Variants in TCTN3 observed in about 807,000 individuals in gnomAD.
TCTN3 encodes tectonic-3.
A neutral mutation model predicts 71.3 loss-of-function variants in TCTN3; 57 were observed. The observed-to-expected ratio is 0.80, with a 90% CI of 0.65 to 1.00. The LOEUF (loss-of-function observed/expected upper bound fraction) is 1.00. TCTN3 is among the 50% of genes least tolerant of loss of function. The pLI is 0.00. For synonymous variants in TCTN3, 258 were observed against 267.8 expected (o/e 0.96, Z 0.36); for missense variants, 696 against 719.9 (o/e 0.97, Z 0.38).
chr10:95,674,578 A>T (rs1395957460), intron 13 of TCTN3, among the ~76,000 whole-genome samples: 1 of 152,088 alleles, frequency 6.6e-6, no homozygotes, highest in Non-Finnish European at 1.5e-5. Context: ...TGTCAATAAC[A>T]TTTTTTTCCT....
chr10:95,676,339 C>A (rs1395610774), intron 13 of TCTN3, among the ~76,000 whole-genome samples: 2 of 151,358 alleles, frequency 1.3e-5, no homozygotes, highest in African/African-American at 2.4e-5. Context: ...ACTGCAACCT[C>A]CGTCTCACGG....
intron 4 of TCTN3, 81 bp downstream of exon 4, chr10:95,687,511 T>C: frequency 6.3e-7 from 1 of 1,583,456 alleles, no homozygotes; most frequent in Non-Finnish European, 8.6e-7. Context: ...TGCAGGGTAG[T>C]GCTGCAAAGT....
intron 2 of TCTN3, 47 bp downstream of exon 2, chr10:95,693,306 G>T (rs1179748287): frequency 8.4e-6 from 13 of 1,549,970 alleles, no homozygotes; most frequent in Non-Finnish European, 1.1e-5. Flanking sequence ...GTTACCCGTT[G>T]TAGGCCCCAA....
chr10:95,667,597 T>A (rs1212468322), intron 13 of TCTN3, among the ~76,000 whole-genome samples: 1 of 152,114 alleles, frequency 6.6e-6, no homozygotes, highest in Non-Finnish European at 1.5e-5. Context: ...ACTAAACCAC[T>A]TAAGCCAGAG....
chr10:95,682,747 T>A lies in TCTN3; in HGVS notation c.1356A>T (p.Gly452=), dbSNP rs746230895. ...TGGCAACATACTCTGGTCTGGGCCT[T>A]CCATGAAGAGTCTGATAAATCTCCT... is the stretch of plus-strand genomic sequence containing the variant. The part of the protein sequence containing the change: ...LQQEIYQTLH[G]RPRPEYVAIF... Residue 452 remains glycine (G), a synonymous_variant, in exon 12 of 14, where the codon GGA becomes GGT. Transcript: ENST00000371217. 4 of 1,614,172 alleles carry A rather than the reference T, an allele frequency of 2.5e-6. No individual in the cohort carries two copies. In the East Asian group the frequency reaches 8.9e-5, roughly 36 times the overall value.
intron 3 of TCTN3, 159 bp downstream of exon 3, chr10:95,692,761 T>A (rs889648230): frequency 6.7e-6 from 4 of 597,674 alleles, no homozygotes; most frequent in Middle Eastern, 4.4e-4. Flanking sequence ...ATTTGACATT[T>A]TTTTTGCTTT....
rs1159511735 is a variant in TCTN3 at position 95,687,337 on chromosome 10, T to A, written c.646A>T (p.Thr216Ser). 1.9e-6 allele frequency: 3 copies of A among 1,613,708 alleles called. No individual in the cohort carries two copies. Among genetic ancestry groups the A allele is most frequent in the Non-Finnish European group, 2.5e-6 (3 of 1,179,856 alleles). The change falls in exon 5 of 14, where the codon ACT becomes TCT. Residue 216 changes from threonine (T) to serine (S), a missense_variant. Thr to Ser is a moderately conservative substitution (Grantham distance 58, BLOSUM62 1). Coordinates refer to ENST00000371217, the MANE Select transcript of TCTN3 (RefSeq NM_015631.6). Reference sequence around the variant, plus strand: ...ATTACAGACCACTTGGGGAAGTAAGTAAGAATGGGGTCCCCAGCCTGAATA... The same window carrying A: ...ATTACAGACCACTTGGGGAAGTAAGAAAGAATGGGGTCCCCAGCCTGAATA... ...SFYRAGDPIL[T>S]YFPKWSVISL...
chr10:95,687,055 T>C lies in TCTN3; in HGVS notation c.841A>G (p.Thr281Ala). Reference protein sequence around the residue: ...ALNAASYYNFTVLKVPRSMTD... With the variant: ...ALNAASYYNFAVLKVPRSMTD... The stretch of plus-strand genomic sequence containing the variant: ...GAAAGGACACCTACCTTTAAGACTG[T>C]GAAGTTATAGTAAGAGGCAGCATTG... The change falls in exon 6 of 14, where the codon ACA becomes GCA. Residue 281 changes from threonine (T) to alanine (A), a missense_variant. By Grantham distance (58) the Thr-to-Ala change is moderately conservative. Coordinates refer to ENST00000371217, the MANE Select transcript of TCTN3 (RefSeq NM_015631.6). 1 of 1,613,668 alleles carries C rather than the reference T, an allele frequency of 6.2e-7. No homozygotes were observed. Among genetic ancestry groups the C allele is most frequent in the Non-Finnish European group, 8.5e-7 (1 of 1,179,750 alleles).
At chr10:95,666,240 CTTT>C (rs35125356) in intron 13 of TCTN3, among the ~76,000 whole-genome samples, 3 of 138,210 alleles carry the variant, frequency 2.2e-5, no homozygotes, top group Non-Finnish European at 3.1e-5. Flanking sequence ...CATGCCCAGC[CTTT>C]TTTTTTTTTT....
intron 13 of TCTN3, among the ~76,000 whole-genome samples, chr10:95,670,964 T>C (rs1430117606): frequency 6.6e-6 from 1 of 152,206 alleles, no homozygotes; most frequent in Non-Finnish European, 1.5e-5. Flanking sequence ...CACCAGCCTA[T>C]TGACCCATTT....
rs533995989 is a variant in TCTN3, at chr10:95,679,886, G to A, written c.1590+586C>T. 3.9e-5 allele frequency among the ~76,000 whole-genome samples: 6 copies of A among 152,222 alleles called. No individual in the cohort carries two copies. The East Asian group carries it at 5.8e-4, about 15-fold the overall frequency. On this transcript the variant is annotated intron_variant, in intron 13 of 13. Transcript: ENST00000371217. ...ATTACAGGCGTGAGCCACCGCGCCC[G>A]GCCGTCATTTCTAAGTAAAATGAAA...
At chr10:95,693,504 G>C (rs766404554) in intron 1 of TCTN3, 28 bp from the exon 2 acceptor site, 12 of 1,551,796 alleles carry the variant, frequency 7.7e-6, no homozygotes, top group Non-Finnish European at 2.6e-6. Context: ...AGAGTGAGTG[G>C]GATGAAGATC....
rs962011336 is a variant in TCTN3 at position 95,686,420 on chromosome 10, C to G, written c.888+75G>C. The G allele has an allele frequency of 6.8e-6, 10 of 1,474,572 alleles. No homozygotes were observed. In the East Asian group the frequency reaches 2.0e-4, roughly 30 times the overall value. 91.3% of individuals were successfully genotyped at this position (1,474,572 alleles called of 1,614,324 possible). On this transcript the variant is annotated intron_variant, in intron 7 of 13. Transcript: ENST00000371217. ...TTACATTTATCTTTCAACAGTACAACTTAGACTAAAATTGCCTCAGATGCA... is the reference window on the plus strand; with the variant it reads ...TTACATTTATCTTTCAACAGTACAAGTTAGACTAAAATTGCCTCAGATGCA...
intron 11 of TCTN3, 48 bp downstream of exon 11, chr10:95,683,053 C>T: frequency 4.6e-6 from 7 of 1,531,972 alleles, no homozygotes; most frequent in Middle Eastern, 3.4e-4. Context: ...AACATATTCC[C>T]TACATATTCC....
intron 7 of TCTN3, among the ~76,000 whole-genome samples, chr10:95,685,849 A>C (rs769006487): frequency 6.6e-6 from 1 of 152,262 alleles, no homozygotes; most frequent in Non-Finnish European, 1.5e-5. Flanking sequence ...TATTAAATAT[A>C]AAACAAGGGT....
In TCTN3 at chr10:95,693,364, T is replaced by C. The variant is rs2097955483; in HGVS notation, c.369A>G (p.Pro123=). The C allele has an allele frequency of 6.4e-7, 1 of 1,551,836 alleles. No homozygotes were observed. ...GCAACGAAGCTCACCTTACGCTGCC[T>C]GGAAGGCAGAAGGAGAAAACTGTCC... The part of the protein sequence containing the change: ...HPRTVFSFCL[P]GSVRSSSWVC... Residue 123 remains proline, a synonymous_variant, in exon 2 of 14, where the codon CCA becomes CCG. Transcript: ENST00000371217.
intron 13 of TCTN3, among the ~76,000 whole-genome samples, chr10:95,672,685 CTTTT>C (rs766029244): frequency 2.5e-5 from 2 of 80,412 alleles, no homozygotes; most frequent in Middle Eastern, 0.015. Context: ...CTGTTCAAAT[CTTTT>C]TTTTTTTTTT....
rs1430131526 is a variant in TCTN3, at chr10:95,693,031, T to G, written c.388A>C (p.Ser130Arg). The G allele has an allele frequency of 1.2e-6, 2 of 1,610,774 alleles. No individual in the cohort carries two copies. Among genetic ancestry groups the G allele is most frequent in the Non-Finnish European group, 1.7e-6 (2 of 1,177,584 alleles). Residue 130 changes from serine to arginine, a missense_variant, in exon 3 of 14, where the codon AGC becomes CGC. Transcript: ENST00000371217. ...ACAGAGTTGTCTACACAAACCCAGC[T>G]TGAAGACCTGTGAGGAAAGAGGAGG... ...FCLPGSVRSS[S>R]WVCVDNSVIF... is the part of the protein sequence containing the mutation.
chr10:95,692,731 T>C (rs1396436650), intron 3 of TCTN3, 189 bp downstream of exon 3: 138 of 563,520 alleles, frequency 2.4e-4, no homozygotes, highest in Non-Finnish European at 5.7e-5. Context: ...ACAACACAAA[T>C]TTGTAAACTT....
Sources: gnomAD v4.1 joint callset for allele counts (sites outside exome capture counted in the v4.1 genomes callset) on GRCh38, gnomAD v4.1.1 for gene constraint, MANE v1.5 for transcripts, NCBI Gene and HGNC (gene_info 2026-07-23, HGNC 2026-07-21) for gene names.